CMIP: variants seen among roughly 807,000 people sequenced by gnomAD.
CMIP encodes c-Maf inducing protein.
A neutral mutation model predicts 97.3 loss-of-function variants in CMIP; 13 were observed. The observed-to-expected ratio is 0.13, with a 90% confidence interval of 0.09 to 0.21. The LOEUF (loss-of-function observed/expected upper bound fraction) is 0.21. CMIP is among the 10% of genes least tolerant of loss of function. CMIP has a pLI of 1.00. For synonymous variants in CMIP, 538 were observed against 436.3 expected (o/e 1.23, Z -2.91); for missense variants, 847 against 1,024.9 (o/e 0.83, Z 2.37).
At chr16:81,448,234 A>G (rs898260952) in intron 1 of CMIP, among the ~76,000 whole-genome samples, 6 of 152,252 alleles carry the variant, frequency 3.9e-5, no homozygotes, top group African/African-American at 1.2e-4. Context: ...ATCATCTGGT[A>G]ATTATCTGGT....
intron 3 of CMIP, chr16:81,645,370 G>T: frequency 2.1e-6 from 3 of 1,448,604 alleles, no homozygotes; most frequent in Non-Finnish European, 2.7e-6. Flanking sequence ...GTACGCGCGC[G>T]AGCCCCAGAG....
At chr16:81,545,216 C>G (rs945645692) in intron 1 of CMIP, among the ~76,000 whole-genome samples, 1 of 152,194 alleles carries the variant, frequency 6.6e-6, no homozygotes, top group Non-Finnish European at 1.5e-5. Flanking sequence ...TCCTTTGAGA[C>G]AGGCTGACCA....
chr16:81,477,705 C>T (rs1054700238), intron 1 of CMIP, among the ~76,000 whole-genome samples: 5 of 152,194 alleles, frequency 3.3e-5, no homozygotes, highest in African/African-American at 9.7e-5. Context: ...GGGTCTAAGT[C>T]GTGTGAGGGT....
intron 1 of CMIP, among the ~76,000 whole-genome samples, chr16:81,577,216 T>C (rs202033818): frequency 0.019 from 1,281 of 67,042 alleles, no homozygotes; most frequent in Middle Eastern, 0.061. Flanking sequence ...CCATCACCTT[T>C]ATCACCACCA....
rs545129438 is a variant in CMIP at position 81,696,643 on chromosome 16, T to C, written c.1614T>C (p.Asp538=). 6.9e-5 allele frequency: 111 copies of C among 1,606,970 alleles called. 1 individual carries two copies. In the Middle Eastern group the frequency reaches 1.8e-3, roughly 27 times the overall value. Residue 538 remains aspartate, a synonymous_variant, in exon 14 of 21, where the codon GAT becomes GAC. Coordinates refer to ENST00000537098, the MANE Select transcript of CMIP (RefSeq NM_198390.3). The part of the protein sequence containing the change: ...LYSPGGVACD[D]DGELFASMVH... ...GCCCCGGAGGGGTGGCCTGCGACGATGACGGGGAGCTGTTCGCCAGCATGG... is the reference window on the plus strand; with the variant it reads ...GCCCCGGAGGGGTGGCCTGCGACGACGACGGGGAGCTGTTCGCCAGCATGG...
At position 81,704,090 on chromosome 16, in the gene CMIP, G is replaced by C. The variant is rs72831128; in HGVS notation, c.2091+5G>C. 5.7e-5 allele frequency: 92 copies of C among 1,600,576 alleles called. No homozygotes were observed. In the African/African-American group the frequency reaches 1.1e-3, roughly 19 times the overall value. On this transcript the variant is annotated splice_donor_5th_base_variant and intron_variant, in intron 18 of 20. Transcript: ENST00000537098. Reference sequence around the variant, plus strand: ...CTGAACCTGTGGTCCACTCAGGTACGTCCTCCCGCCCTGCTGCAGTCCCCC... The same window carrying C: ...CTGAACCTGTGGTCCACTCAGGTACCTCCTCCCGCCCTGCTGCAGTCCCCC...
intron 10 of CMIP, among the ~76,000 whole-genome samples, chr16:81,679,769 C>T (rs1167914325): frequency 6.6e-6 from 1 of 152,034 alleles, no homozygotes; most frequent in Non-Finnish European, 1.5e-5. Flanking sequence ...ATCCTTGACC[C>T]CTAAGGGTCT....
At chr16:81,672,113 C>A (rs1331164741) in intron 9 of CMIP, 43 bp downstream of exon 9, 5 of 1,183,414 alleles carry the variant, frequency 4.2e-6, no homozygotes, top group Non-Finnish European at 6.2e-6. Context: ...TTGGGAGGGG[C>A]AAACTGCCAC....
chr16:81,654,278 C>T (rs1406037385), intron 4 of CMIP, among the ~76,000 whole-genome samples: 4 of 149,442 alleles, frequency 2.7e-5, no homozygotes, highest in Non-Finnish European at 5.9e-5. Context: ...CACTGTGTTG[C>T]CCAGGTTGGT....
At chr16:81,462,626 T>C (rs1384723718) in intron 1 of CMIP, among the ~76,000 whole-genome samples, 1 of 152,244 alleles carries the variant, frequency 6.6e-6, no homozygotes, top group African/African-American at 2.4e-5. Context: ...GAGCTGTGTT[T>C]AGTCTTCTTG....
intron 14 of CMIP, among the ~76,000 whole-genome samples, chr16:81,698,396 A>G (rs1370305410): frequency 6.6e-6 from 1 of 152,168 alleles, no homozygotes; most frequent in East Asian, 1.9e-4. Context: ...CAATTCTTGG[A>G]TTCCTGGGGC....
chr16:81,457,871 C>G (rs953404186), intron 1 of CMIP, among the ~76,000 whole-genome samples: 1 of 152,206 alleles, frequency 6.6e-6, no homozygotes, highest in Non-Finnish European at 1.5e-5. Flanking sequence ...CCACGGCACC[C>G]CAGGCCCCCA....
At chr16:81,667,267 A>G (rs1325649175) in intron 7 of CMIP, 2 of 152,250 alleles carry the variant, frequency 1.3e-5, no homozygotes, top group African/African-American at 4.8e-5. Flanking sequence ...AATAAAAACT[A>G]GAAACAAAAG....
chr16:81,494,391 G>C (rs1043072091), intron 1 of CMIP, among the ~76,000 whole-genome samples: 2 of 152,224 alleles, frequency 1.3e-5, no homozygotes, highest in African/African-American at 4.8e-5. Context: ...TGACGCAGAG[G>C]GTGGGAAAGA....
At chr16:81,459,543 T>G (rs1279296947) in intron 1 of CMIP, among the ~76,000 whole-genome samples, 1 of 152,222 alleles carries the variant, frequency 6.6e-6, no homozygotes. Context: ...ACCTCAGCTT[T>G]CAGCAGCAGT....
rs146505801 is a variant in CMIP, at chr16:81,586,571, G to A, written c.301-20996G>A. 2.2e-3 allele frequency among the ~76,000 whole-genome samples: 337 copies of A among 152,206 alleles called. 1 individual carries two copies. Among genetic ancestry groups the A allele is most frequent in the African/African-American group, 7.0e-3 (291 of 41,532 alleles). On this transcript the variant is annotated intron_variant, in intron 1 of 20. Transcript: ENST00000537098. ...AACTCCAAGCACTGTAGCCTGCCAC[G>A]CAAGGCTCTCTGTAATCGAGATTTA...
chr16:81,630,569 A>G (rs985668671), intron 3 of CMIP: 3 of 152,168 alleles, frequency 2.0e-5, no homozygotes, highest in Non-Finnish European at 4.4e-5. Flanking sequence ...TTTCTCACAG[A>G]AGCTTCTGTG....
intron 1 of CMIP, among the ~76,000 whole-genome samples, chr16:81,575,541 C>T (rs1460584495): frequency 6.6e-6 from 1 of 152,184 alleles, no homozygotes; most frequent in Non-Finnish European, 1.5e-5. Context: ...TGACTTCATC[C>T]ATTAGTGCAG....
intron 1 of CMIP, among the ~76,000 whole-genome samples, chr16:81,488,213 G>A (rs768713570): frequency 2.6e-5 from 4 of 152,220 alleles, no homozygotes; most frequent in Non-Finnish European, 4.4e-5. Flanking sequence ...CACCGAAGCT[G>A]AGAGAGTGCG....
Sources: allele counts gnomAD v4.1 joint callset (sites outside exome capture counted in the v4.1 genomes callset), GRCh38; gene constraint gnomAD v4.1.1; transcripts MANE v1.5; gene names NCBI Gene and HGNC (gene_info 2026-07-23, HGNC 2026-07-21).